The following RABGAP1L variants were observed in gnomAD, a reference collection of about 807,000 sequenced individuals.
RABGAP1L encodes RAB GTPase activating protein 1 like.
A neutral mutation model predicts 137.7 loss-of-function variants in RABGAP1L; 63 were observed. The ratio of observed to expected loss-of-function variants is 0.46; its 90% CI spans 0.37 to 0.56. The LOEUF (loss-of-function observed/expected upper bound fraction) is 0.56. RABGAP1L is among the 20% of genes least tolerant of loss of function. The probability of loss-of-function intolerance (pLI) is 0.00; values close to 1 mark genes in which losing one functional copy is unlikely to be tolerated. For missense variants in RABGAP1L, 1,095 were observed against 1,244.0 expected (o/e 0.88, Z 1.80); for synonymous variants, 431 against 433.7 (o/e 0.99, Z 0.08).
intron 13 of RABGAP1L, among the ~76,000 whole-genome samples, chr1:174,544,597 T>A (rs1041664851): frequency 6.6e-6 from 1 of 152,220 alleles, no homozygotes; most frequent in Non-Finnish European, 1.5e-5. Context: ...AGTCTTCTTC[T>A]CTCAACTTGT....
chr1:174,221,111 C>A lies in RABGAP1L; in HGVS notation c.278C>A (p.Ala93Asp). The A allele has an allele frequency of 1.9e-6, 3 of 1,613,450 alleles. No individual in the cohort carries two copies. Among genetic ancestry groups the A allele is most frequent in the Non-Finnish European group, 2.5e-6 (3 of 1,179,606 alleles). Residue 93 changes from alanine (A) to aspartate (D), a missense_variant, in exon 3 of 26, where the codon GCC becomes GAC. By Grantham distance (126) the Ala-to-Asp change is moderately radical. Around this residue, in one of 4 missense-constraint regions of RABGAP1L, gnomAD observed 356 missense variants for 326.3 expected, o/e 1.09. Coordinates refer to ENST00000681986, the MANE Select transcript of RABGAP1L (RefSeq NM_001366446.1). Reference protein sequence around the residue: ...ISDHSFGDIPASQTNKPSLQL... With the variant: ...ISDHSFGDIPDSQTNKPSLQL... ...GACCATTCGTTTGGAGATATTCCAG[C>A]CAGCCAAACAAATAAGCCATCTCTT...
chr1:174,844,030 T>G (rs1693780552), intron 19 of RABGAP1L, among the ~76,000 whole-genome samples: 1 of 149,924 alleles, frequency 6.7e-6, no homozygotes, highest in Non-Finnish European at 1.5e-5. Flanking sequence ...TGTCTTCTTT[T>G]GAGAAGTGTC....
At chr1:174,182,468 C>T (rs1666457040) in intron 1 of RABGAP1L, among the ~76,000 whole-genome samples, 1 of 152,176 alleles carries the variant, frequency 6.6e-6, no homozygotes, top group Admixed American at 6.6e-5. Flanking sequence ...AGGTAAAGAA[C>T]AGCTTTCTGA....
chr1:174,453,580 T>C (rs1655686661), intron 13 of RABGAP1L, among the ~76,000 whole-genome samples: 2 of 152,218 alleles, frequency 1.3e-5, no homozygotes, highest in South Asian at 4.1e-4. Flanking sequence ...TAGGAGCATG[T>C]ATGTGTTACT....
At chr1:174,558,415 C>T (rs554096288) in intron 13 of RABGAP1L, among the ~76,000 whole-genome samples, 2 of 152,234 alleles carry the variant, frequency 1.3e-5, no homozygotes, top group Non-Finnish European at 2.9e-5. Context: ...GCTGCTTTAC[C>T]CAGTTTAATC....
At chr1:174,370,685 G>A (rs1685046240) in intron 11 of RABGAP1L, among the ~76,000 whole-genome samples, 1 of 151,188 alleles carries the variant, frequency 6.6e-6, no homozygotes, top group Admixed American at 6.6e-5. Flanking sequence ...GGAATTTCCA[G>A]TTGTGCTACC....
chr1:174,758,564 G>GT (rs1684960789), intron 18 of RABGAP1L, among the ~76,000 whole-genome samples: 1 of 151,906 alleles, frequency 6.6e-6, no homozygotes, highest in African/African-American at 2.4e-5. Context: ...CCATTCCTGA[G>GT]TTACTTCACT....
intron 13 of RABGAP1L, among the ~76,000 whole-genome samples, chr1:174,438,615 G>A (rs1255201911): frequency 6.6e-6 from 1 of 151,302 alleles, no homozygotes; most frequent in Non-Finnish European, 1.5e-5. Context: ...CTACTTGGGA[G>A]GCTGAGGCAG....
chr1:174,323,745 A>G (rs571515650), intron 11 of RABGAP1L, among the ~76,000 whole-genome samples: 3 of 152,276 alleles, frequency 2.0e-5, no homozygotes, highest in African/African-American at 7.2e-5. Context: ...TCTTTAAAGG[A>G]TCAGTTGTAG....
At chr1:174,825,945 A>G (rs1295815489) in intron 19 of RABGAP1L, among the ~76,000 whole-genome samples, 1 of 152,158 alleles carries the variant, frequency 6.6e-6, no homozygotes, top group East Asian at 1.9e-4. Flanking sequence ...GGTTTGTCAC[A>G]TGAATATATT....
intron 14 of RABGAP1L, among the ~76,000 whole-genome samples, chr1:174,643,755 C>G (rs989893737): frequency 4.6e-5 from 7 of 151,908 alleles, no homozygotes; most frequent in Non-Finnish European, 1.0e-4. Flanking sequence ...TAGTTTTTTT[C>G]CTTTTTAAAT....
intron 11 of RABGAP1L, among the ~76,000 whole-genome samples, chr1:174,345,160 T>C (rs1682322660): frequency 6.6e-6 from 1 of 152,228 alleles, no homozygotes; most frequent in South Asian, 2.1e-4. Flanking sequence ...TTTTATTTAA[T>C]GCCAACCCCA....
intron 1 of RABGAP1L, among the ~76,000 whole-genome samples, chr1:174,200,152 G>A (rs1168248054): frequency 6.6e-6 from 1 of 152,176 alleles, no homozygotes; most frequent in Non-Finnish European, 1.5e-5. Flanking sequence ...ATGTACCAAT[G>A]CTGTAGCAAG....
chr1:174,961,761 G>A (rs956611683), intron 20 of RABGAP1L, among the ~76,000 whole-genome samples: 4 of 148,324 alleles, frequency 2.7e-5, no homozygotes, highest in African/African-American at 9.9e-5. Context: ...CATGAGAATC[G>A]CTTGAGCCTG....
Position 174,448,311 on chromosome 1 carries a change from G to T in RABGAP1L, c.1710+54166G>T. 1 of 1,613,102 alleles carries T rather than the reference G, an allele frequency of 6.2e-7. No homozygotes were observed. ...CTAACAGTTATCTTTGTCTTTCATT[G>T]TGCTCCACTGTTACATCATTATACT... On this transcript the variant is annotated intron_variant, in intron 13 of 25. Transcript: ENST00000681986. This position sits in a 1 kb window ranked among gnomAD's most constrained non-coding sequence, Gnocchi z 4.2.
intron 19 of RABGAP1L, among the ~76,000 whole-genome samples, chr1:174,848,787 C>G (rs1647571971): frequency 6.6e-6 from 1 of 150,846 alleles, no homozygotes; most frequent in South Asian, 2.1e-4. Flanking sequence ...CTTTGTTTAC[C>G]TAAGCAAGCC....
chr1:174,517,525 TA>T (rs1164471474), intron 13 of RABGAP1L, among the ~76,000 whole-genome samples: 2 of 152,142 alleles, frequency 1.3e-5, no homozygotes, highest in African/African-American at 4.8e-5. Context: ...AAGGGAAGTT[TA>T]AAAAATGCCT....
At chr1:174,652,907 T>TC (rs1444454825) in intron 14 of RABGAP1L, among the ~76,000 whole-genome samples, 1 of 152,138 alleles carries the variant, frequency 6.6e-6, no homozygotes, top group African/African-American at 2.4e-5. Flanking sequence ...AGCCTCCCCT[T>TC]CCCCCAGGTG....
rs150038203 is a variant in RABGAP1L, at chr1:174,740,761, A to T, written c.2170-11552A>T. On this transcript the variant is annotated intron_variant, in intron 17 of 25. Coordinates refer to ENST00000681986, the MANE Select transcript of RABGAP1L (RefSeq NM_001366446.1). ...ACATCTGTCTTTTTTAATAATAGGG[A>T]TTCTGGCTGAGGTATGCTATCTCAT... Among the ~76,000 whole-genome samples the T allele has an allele frequency of 8.6e-5, 13 of 151,658 alleles. 1 individual carries two copies. The East Asian group carries it at 2.3e-3, about 27-fold the overall frequency.
Sources: allele counts gnomAD v4.1 joint callset (sites outside exome capture counted in the v4.1 genomes callset), GRCh38; gene constraint gnomAD v4.1.1; regional missense constraint gnomAD v4.1.1; non-coding constraint Gnocchi (gnomAD v3.1); transcripts MANE v1.5; gene names NCBI Gene and HGNC (gene_info 2026-07-23, HGNC 2026-07-21).